The following MIR2052HG variants were observed in gnomAD, a reference collection of about 807,000 sequenced individuals.
MIR2052HG encodes the protein MIR2052 host gene.
intron 4 of MIR2052HG, among the ~76,000 whole-genome samples, chr8:74,724,025 G>A (rs2217029): frequency 6.6e-6 from 1 of 152,094 alleles, no homozygotes; most frequent in Non-Finnish European, 1.5e-5. Flanking sequence ...ATTAAATTTT[G>A]ATGAATTTGT....
chr8:74,618,305 A>G (rs1197983626), intron 2 of MIR2052HG, among the ~76,000 whole-genome samples: 3 of 152,126 alleles, frequency 2.0e-5, no homozygotes, highest in Admixed American at 6.5e-5. Flanking sequence ...TTACATATCA[A>G]TTTGCCCATT....
intron 4 of MIR2052HG, among the ~76,000 whole-genome samples, chr8:74,743,352 A>C (rs1418478662): frequency 6.6e-6 from 1 of 152,200 alleles, no homozygotes; most frequent in East Asian, 1.9e-4. Context: ...TAGACTACTG[A>C]ATCCCCAAGT....
intron 2 of MIR2052HG, among the ~76,000 whole-genome samples, chr8:74,653,053 C>CT (rs565456049): frequency 6.6e-6 from 1 of 152,112 alleles, no homozygotes; most frequent in Non-Finnish European, 1.5e-5. Context: ...TATACCTAAA[C>CT]TTTTTTTTCC....
intron 2 of MIR2052HG, among the ~76,000 whole-genome samples, chr8:74,666,321 TTAAAAA>T (rs1242069968): frequency 1.3e-5 from 2 of 152,194 alleles, no homozygotes; most frequent in Admixed American, 1.3e-4. Flanking sequence ...TTTACAGCAC[TTAAAAA>T]TAAAAGCCCT....
At chr8:74,650,526 G>C (rs1346501585) in intron 2 of MIR2052HG, among the ~76,000 whole-genome samples, 1 of 151,976 alleles carries the variant, frequency 6.6e-6, no homozygotes, top group Non-Finnish European at 1.5e-5. Context: ...ATGTTTTTGT[G>C]GACATATTTT....
At chr8:74,648,225 T>TG (rs1260130864) in intron 2 of MIR2052HG, among the ~76,000 whole-genome samples, 3 of 152,092 alleles carry the variant, frequency 2.0e-5, no homozygotes, top group Non-Finnish European at 4.4e-5. Context: ...AATGCATTCC[T>TG]GGGGGGAGGT....
chr8:74,618,233 C>G (rs1808312422), intron 2 of MIR2052HG, among the ~76,000 whole-genome samples: 1 of 152,228 alleles, frequency 6.6e-6, no homozygotes. Flanking sequence ...ATTGAACCTG[C>G]TCACCATTTT....
intron 4 of MIR2052HG, among the ~76,000 whole-genome samples, chr8:74,712,082 A>G (rs1179572336): frequency 6.6e-6 from 1 of 152,196 alleles, no homozygotes; most frequent in Non-Finnish European, 1.5e-5. Context: ...CAGAGCTCAC[A>G]TCTATCTTTT....
intron 2 of MIR2052HG, among the ~76,000 whole-genome samples, chr8:74,660,213 T>C (rs1404914374): frequency 6.6e-6 from 1 of 152,218 alleles, no homozygotes; most frequent in Admixed American, 6.5e-5. Flanking sequence ...ATTACTGACC[T>C]TATAAATTCA....
intron 4 of MIR2052HG, among the ~76,000 whole-genome samples, chr8:74,746,844 A>C (rs1470018245): frequency 6.6e-6 from 1 of 152,136 alleles, no homozygotes; most frequent in Non-Finnish European, 1.5e-5. Flanking sequence ...GAAATATCTG[A>C]AGTAGCCAAC....
intron 2 of MIR2052HG, among the ~76,000 whole-genome samples, chr8:74,686,564 T>C (rs945490415): frequency 6.6e-6 from 1 of 152,094 alleles, no homozygotes; most frequent in African/African-American, 2.4e-5. Flanking sequence ...AGCACTTGAA[T>C]GAGATCTGCT....
At chr8:74,753,363 C>A (rs1049244151) in intron 5 of MIR2052HG, among the ~76,000 whole-genome samples, 1 of 152,052 alleles carries the variant, frequency 6.6e-6, no homozygotes, top group Admixed American at 6.6e-5. Flanking sequence ...GCATAGGATG[C>A]GTAACAGTGA....
At chr8:74,668,002 A>C (rs1808949502) in intron 2 of MIR2052HG, among the ~76,000 whole-genome samples, 1 of 151,724 alleles carries the variant, frequency 6.6e-6, no homozygotes, top group Admixed American at 6.6e-5. Flanking sequence ...GATTGTAGGC[A>C]TGCAAAGAGA....
intron 2 of MIR2052HG, among the ~76,000 whole-genome samples, chr8:74,672,644 A>G (rs965004590): frequency 2.6e-5 from 4 of 152,072 alleles, no homozygotes; most frequent in African/African-American, 7.2e-5. Flanking sequence ...TATTATTTAA[A>G]TACTGTTCCC....
chr8:74,617,743 C>T (rs1482739355), intron 2 of MIR2052HG, among the ~76,000 whole-genome samples: 2 of 152,110 alleles, frequency 1.3e-5, no homozygotes, highest in African/African-American at 4.8e-5. Context: ...ATTGCTGGAT[C>T]AAATGGTAGT....
intron 1 of MIR2052HG, among the ~76,000 whole-genome samples, chr8:74,610,439 T>C (rs570274209): frequency 1.1e-4 from 17 of 152,006 alleles, no homozygotes; most frequent in Non-Finnish European, 2.1e-4. Context: ...ATGTCAAGTA[T>C]CTAAATTAAT....
At position 74,602,877 on chromosome 8, in the gene MIR2052HG, T is replaced by TTTCTTTCTTTCTTTCTTTCTTTC. The variant is rs1808041801; in HGVS notation, n.128+2973_128+2974insTTCTTTCTTTCTTTCTTTCTTCT. Among the ~76,000 whole-genome samples the TTTCTTTCTTTCTTTCTTTCTTTC allele has an allele frequency of 6.5e-3, 351 of 53,790 alleles. 53 individuals carry two copies. Among genetic ancestry groups the TTTCTTTCTTTCTTTCTTTCTTTC allele is most frequent in the Middle Eastern group, 9.3e-3 (1 of 108 alleles). 35.3% of individuals were successfully genotyped at this position (53,790 alleles called of 152,430 possible). On this transcript the variant is annotated intron_variant and non_coding_transcript_variant, in intron 1 of 6. Coordinates refer to ENST00000523442, the Ensembl canonical transcript of MIR2052HG. ...TCTTTCTTTCTTTCTTTCTTTCTTT[T>TTTCTTTCTTTCTTTCTTTCTTTC]TTCTATTCACAAAGAAAAAGCTCCA...
chr8:74,681,958 T>C (rs1449015923), intron 2 of MIR2052HG, among the ~76,000 whole-genome samples: 1 of 152,194 alleles, frequency 6.6e-6, no homozygotes, highest in Admixed American at 6.6e-5. Flanking sequence ...GACTATTCAA[T>C]AAATGGTGCT....
chr8:74,709,323 T>C (rs908247560), intron 4 of MIR2052HG, among the ~76,000 whole-genome samples: 1 of 152,104 alleles, frequency 6.6e-6, no homozygotes, highest in Non-Finnish European at 1.5e-5. Flanking sequence ...TTAACTGGCA[T>C]CATGGAGAAT....
Sources: allele counts gnomAD v4.1 joint callset (sites outside exome capture counted in the v4.1 genomes callset), GRCh38; gene constraint gnomAD v4.1.1; transcripts MANE v1.5; gene names NCBI Gene and HGNC (gene_info 2026-07-23, HGNC 2026-07-21).